B4GALNT3: variants seen among roughly 807,000 people sequenced by gnomAD.
B4GALNT3 encodes beta-1,4-N-acetylgalactosaminyltransferase 3.
Under a neutral mutation model 120.2 loss-of-function variants are expected in B4GALNT3, and 86 were observed. The ratio of observed to expected loss-of-function variants is 0.72; its 90% confidence interval spans 0.60 to 0.86. The LOEUF (loss-of-function observed/expected upper bound fraction) is 0.86. Among genes scored for constraint, B4GALNT3 ranks in the 40% least tolerant of loss-of-function variants. The probability of loss-of-function intolerance (pLI) is 0.00; values close to 1 mark genes in which losing one functional copy is unlikely to be tolerated. For synonymous variants in B4GALNT3, 518 were observed against 510.4 expected (o/e 1.01, Z -0.20); for missense variants, 1,167 against 1,298.9 (o/e 0.90, Z 1.56).
chr12:502,684 C>T (rs948897846), intron 1 of B4GALNT3, among the ~76,000 whole-genome samples: 18 of 152,114 alleles, frequency 1.2e-4, no homozygotes, highest in African/African-American at 4.1e-4. Flanking sequence ...CAGAGGGTAG[C>T]GACCCTTGCT....
intron 1 of B4GALNT3, among the ~76,000 whole-genome samples, chr12:505,960 T>C (rs542159974): frequency 7.7e-4 from 117 of 152,334 alleles, no homozygotes; most frequent in Non-Finnish European, 1.5e-3. Context: ...TTCATTTGCA[T>C]AGATCTGAGC....
At chr12:502,953 C>A (rs557380824) in intron 1 of B4GALNT3, among the ~76,000 whole-genome samples, 2 of 152,008 alleles carry the variant, frequency 1.3e-5, no homozygotes, top group South Asian at 4.2e-4. Context: ...GAGATAGGTT[C>A]TTGTTGTGTT....
chr12:503,797 G>A (rs1360829238), intron 1 of B4GALNT3, among the ~76,000 whole-genome samples: 2 of 152,104 alleles, frequency 1.3e-5, no homozygotes, highest in African/African-American at 4.8e-5. Flanking sequence ...TGACACTGTT[G>A]ACCACCTACT....
intron 19 of B4GALNT3, among the ~76,000 whole-genome samples, chr12:559,876 G>T (rs1264685993): frequency 1.3e-5 from 2 of 152,128 alleles, no homozygotes; most frequent in African/African-American, 2.4e-5. Context: ...AAGAGACAGT[G>T]TAGACCACTG....
intron 1 of B4GALNT3, among the ~76,000 whole-genome samples, chr12:492,986 T>G (rs866256427): frequency 6.6e-6 from 1 of 152,214 alleles, no homozygotes; most frequent in African/African-American, 2.4e-5. Context: ...CTGTAAAACT[T>G]CTAGACAACC....
chr12:474,162 G>T (rs957041483), intron 1 of B4GALNT3, among the ~76,000 whole-genome samples: 2 of 152,230 alleles, frequency 1.3e-5, no homozygotes, highest in African/African-American at 4.8e-5. Flanking sequence ...AATAGAGTCA[G>T]CCTCAGACTT....
At position 546,723 on chromosome 12, in the gene B4GALNT3, G is replaced by A. The variant is rs1592052946; in HGVS notation, c.707+10G>A. The A allele has an allele frequency of 3.2e-6, 5 of 1,551,082 alleles. No homozygotes were observed. The highest frequency in any genetic ancestry group is 1.7e-4 in the Middle Eastern group (1 of 5,880). ...TTTCCAAGCCGGTGAGGTGAGTGAG[G>A]GTCAGGACAGGCGCTGTGGGCGCCT... On this transcript the variant is annotated intron_variant, in intron 7 of 19. Coordinates refer to ENST00000266383, the MANE Select transcript of B4GALNT3 (RefSeq NM_173593.4).
chr12:476,352 A>T (rs547062742), intron 1 of B4GALNT3, among the ~76,000 whole-genome samples: 2 of 152,310 alleles, frequency 1.3e-5, no homozygotes, highest in African/African-American at 4.8e-5. Context: ...TAGAGGTTAG[A>T]GGCTGAGGTA....
intron 11 of B4GALNT3, among the ~76,000 whole-genome samples, chr12:551,418 C>T (rs948004902): frequency 6.6e-6 from 1 of 152,220 alleles, no homozygotes; most frequent in Non-Finnish European, 1.5e-5. Flanking sequence ...AGACCAGGCA[C>T]TGGGGGAAAA....
chr12:560,401 G>A (rs1947215701), intron 19 of B4GALNT3, among the ~76,000 whole-genome samples: 1 of 152,186 alleles, frequency 6.6e-6, no homozygotes, highest in Non-Finnish European at 1.5e-5. Flanking sequence ...AGACCTCAGT[G>A]AGGTCGGCAT....
intron 2 of B4GALNT3, among the ~76,000 whole-genome samples, chr12:535,791 C>G (rs188011057): frequency 6.6e-6 from 1 of 152,158 alleles, no homozygotes; most frequent in South Asian, 2.1e-4. Flanking sequence ...TCAGGAGCCC[C>G]AAGGCTGAGC....
chr12:492,029 G>C (rs2120508791), intron 1 of B4GALNT3, among the ~76,000 whole-genome samples: 1 of 148,832 alleles, frequency 6.7e-6, no homozygotes, highest in Non-Finnish European at 1.5e-5. Context: ...CTGCACTCCA[G>C]TTTGGGCACC....
intron 13 of B4GALNT3, 142 bp from the exon 14 acceptor site, chr12:553,052 C>G: frequency 8.0e-7 from 1 of 1,243,466 alleles, no homozygotes; most frequent in Non-Finnish European, 1.1e-6. Context: ...CCCAGGGTCA[C>G]ACAGTAAGCG....
intron 16 of B4GALNT3, 43 bp downstream of exon 16, chr12:557,804 A>T: frequency 1.3e-6 from 2 of 1,572,344 alleles, no homozygotes; most frequent in Non-Finnish European, 1.7e-6. Context: ...GGCCACGTCC[A>T]TCCTAAAGTC....
At chr12:546,348 G>A (rs889778174) in intron 6 of B4GALNT3, among the ~76,000 whole-genome samples, 23 of 151,838 alleles carry the variant, frequency 1.5e-4, no homozygotes, top group African/African-American at 5.1e-4. Context: ...ACAGCGATTC[G>A]GCTTGGGACA....
In B4GALNT3 at chr12:459,996, G is replaced by A. The variant is rs947612489; in HGVS notation, c.-381G>A. Among the ~76,000 whole-genome samples, 1 of 151,328 alleles carries A rather than the reference G, an allele frequency of 6.6e-6. No individual in the cohort carries two copies. Among genetic ancestry groups the A allele is most frequent in the African/African-American group, 2.4e-5 (1 of 41,306 alleles). On this transcript the variant is annotated 5_prime_UTR_variant, in exon 1 of 20. Coordinates refer to ENST00000266383, the MANE Select transcript of B4GALNT3 (RefSeq NM_173593.4). ...AGCCCGGTCCGGGGCTGGCGGGGGC[G>A]CGGGCGGAGGCAGGCGGGCGGGCGC...
intron 1 of B4GALNT3, among the ~76,000 whole-genome samples, chr12:478,492 A>G (rs985189131): frequency 6.6e-6 from 1 of 152,216 alleles, no homozygotes; most frequent in Non-Finnish European, 1.5e-5. Flanking sequence ...GTCAACATTT[A>G]CCATTTTGAG....
chr12:534,896 C>T (rs879881803), intron 1 of B4GALNT3, among the ~76,000 whole-genome samples: 17 of 152,294 alleles, frequency 1.1e-4, no homozygotes, highest in Non-Finnish European at 1.6e-4. Context: ...GTGGGAGGCC[C>T]GTGGTCCAGG....
intron 1 of B4GALNT3, among the ~76,000 whole-genome samples, chr12:468,818 C>T (rs1354068744): frequency 3.3e-5 from 5 of 152,180 alleles, no homozygotes; most frequent in South Asian, 2.1e-4. Context: ...ATTGTGTTCT[C>T]GTGGTGCCTA....
Sources: gnomAD v4.1 joint callset for allele counts (sites outside exome capture counted in the v4.1 genomes callset) on GRCh38, gnomAD v4.1.1 for gene constraint, MANE v1.5 for transcripts, NCBI Gene and HGNC (gene_info 2026-07-23, HGNC 2026-07-21) for gene names.